Variants in ANOS1 observed in about 807,000 individuals in gnomAD.
ANOS1 encodes anosmin-1.
A neutral mutation model predicts 59.0 loss-of-function variants in ANOS1; 6 were observed. The observed-to-expected ratio is 0.10, with a 90% CI of 0.06 to 0.20. The LOEUF (loss-of-function observed/expected upper bound fraction) is 0.20, where lower values mean the gene tolerates loss of function less well. Among genes scored for constraint, ANOS1 ranks in the 10% least tolerant of loss-of-function variants. ANOS1 has a pLI of 1.00. For synonymous variants in ANOS1, 217 were observed against 223.4 expected (o/e 0.97, Z 0.25); for missense variants, 433 against 542.3 (o/e 0.80, Z 2.00).
At chrX:8,689,508 A>G (rs5934478) in intron 2 of ANOS1, among the ~76,000 whole-genome samples, 10,823 of 108,888 alleles carry the variant, frequency 0.099, 539 homozygotes, top group South Asian at 0.23. Context: ...ACCAGCCTGG[A>G]CAACATAGTG....
intron 2 of ANOS1, among the ~76,000 whole-genome samples, chrX:8,672,424 T>C (rs991817242): frequency 2.9e-4 from 33 of 112,371 alleles, no homozygotes; most frequent in African/African-American, 9.7e-4. Flanking sequence ...GCCTGTCCAG[T>C]TCCCCCTGAA....
At chrX:8,719,254 G>A (rs1007871081) in intron 1 of ANOS1, among the ~76,000 whole-genome samples, 6 of 112,562 alleles carry the variant, frequency 5.3e-5, no homozygotes, top group Non-Finnish European at 1.1e-4. Flanking sequence ...CATTTCAGAA[G>A]AGTGTCATTA....
At position 8,699,731 on chromosome X, in the gene ANOS1, C is replaced by T. The variant is rs142887673; in HGVS notation, c.222G>A (p.Leu74=). 1 of 1,196,073 alleles carries T rather than the reference C, an allele frequency of 8.4e-7. No individual in the cohort carries two copies. Among genetic ancestry groups the T allele is most frequent in the African/African-American group, 1.8e-5 (1 of 56,856 alleles). ...FFQHFQNNGS[L]VWCQNHKQCS... ...ATTGCTTGTGATTCTGGCACCAAAC[C>T]AGGGAACCATTGTTCTGCAAAAAGA... is the stretch of plus-strand genomic sequence containing the variant. The change falls in exon 2 of 14, where the codon CTG becomes CTA. Residue 74 remains leucine (L), a synonymous_variant. Coordinates refer to ENST00000262648, the MANE Select transcript of ANOS1 (RefSeq NM_000216.4).
chrX:8,724,344 G>C (rs1932895964), intron 1 of ANOS1, among the ~76,000 whole-genome samples: 1 of 111,773 alleles, frequency 8.9e-6, no homozygotes, highest in African/African-American at 3.3e-5. Context: ...GGTAATATTG[G>C]GGCGGAGAGA....
intron 8 of ANOS1, among the ~76,000 whole-genome samples, chrX:8,563,715 G>A (rs1230213482): frequency 4.5e-5 from 5 of 112,292 alleles, no homozygotes; most frequent in Admixed American, 2.8e-4. Context: ...CAGCTGAGTT[G>A]CAGTCAATTT....
At chrX:8,684,851 C>T (rs1246569109) in intron 2 of ANOS1, among the ~76,000 whole-genome samples, 2 of 110,807 alleles carry the variant, frequency 1.8e-5, no homozygotes, top group African/African-American at 6.6e-5. Flanking sequence ...ACCCACCTTC[C>T]TCAGCAAGCG....
chrX:8,622,213 C>T (rs764193353), intron 3 of ANOS1, among the ~76,000 whole-genome samples: 3 of 111,545 alleles, frequency 2.7e-5, no homozygotes, highest in African/African-American at 9.8e-5. Flanking sequence ...GGAGGGTTGA[C>T]CGTTGACAAG....
intron 10 of ANOS1, among the ~76,000 whole-genome samples, chrX:8,538,597 C>A (rs1275161118): frequency 2.7e-5 from 3 of 111,704 alleles, no homozygotes; most frequent in Non-Finnish European, 5.6e-5. Flanking sequence ...AAAAACCTCA[C>A]CCCTCTGCCC....
intron 2 of ANOS1, among the ~76,000 whole-genome samples, chrX:8,667,878 G>C (rs1932177214): frequency 9.0e-6 from 1 of 111,082 alleles, no homozygotes; most frequent in South Asian, 3.8e-4. Context: ...GAATTGTAGA[G>C]CCAGATGGAC....
chrX:8,674,423 A>G (rs1167226186), intron 2 of ANOS1, among the ~76,000 whole-genome samples: 1 of 112,215 alleles, frequency 8.9e-6, no homozygotes, highest in Non-Finnish European at 1.9e-5. Context: ...CACAAACAGA[A>G]TAAGAATCAC....
intron 6 of ANOS1, among the ~76,000 whole-genome samples, chrX:8,583,025 G>A (rs1243696161): frequency 1.8e-5 from 2 of 111,328 alleles, no homozygotes; most frequent in Non-Finnish European, 3.8e-5. Flanking sequence ...GAGAGAAAGA[G>A]TGCTTAAGGG....
At chrX:8,570,416 G>T in intron 7 of ANOS1, 83 bp downstream of exon 7, 1 of 790,127 alleles carries the variant, frequency 1.3e-6, no homozygotes, top group African/African-American at 2.0e-5. Context: ...TCTCAGTTTA[G>T]CAGAGGCCTC....
At chrX:8,603,527 G>A (rs1214189517) in intron 3 of ANOS1, among the ~76,000 whole-genome samples, 1 of 112,021 alleles carries the variant, frequency 8.9e-6, no homozygotes, top group African/African-American at 3.2e-5. Flanking sequence ...ACAAAAGTAG[G>A]CAACATTTCT....
At chrX:8,676,930 A>T (rs1932345551) in intron 2 of ANOS1, among the ~76,000 whole-genome samples, 1 of 111,787 alleles carries the variant, frequency 8.9e-6, no homozygotes, top group South Asian at 3.8e-4. Flanking sequence ...GTGGTGTCTC[A>T]TTCAAAGAAA....
At chrX:8,599,271 CT>C (rs1340036722) in intron 3 of ANOS1, among the ~76,000 whole-genome samples, 1 of 111,944 alleles carries the variant, frequency 8.9e-6, no homozygotes, top group Non-Finnish European at 1.9e-5. Context: ...AAGGAGGACA[CT>C]TTCTGTTTAT....
intron 13 of ANOS1, among the ~76,000 whole-genome samples, 195 bp from the exon 14 acceptor site, chrX:8,533,248 T>A (rs1346952914): frequency 8.9e-6 from 1 of 111,887 alleles, no homozygotes; most frequent in East Asian, 2.8e-4. Flanking sequence ...CTCTTTGATG[T>A]CTTCCCAAAC....
chrX:8,692,375 T>G (rs1196846415), intron 2 of ANOS1, among the ~76,000 whole-genome samples: 1 of 111,443 alleles, frequency 9.0e-6, no homozygotes, highest in East Asian at 2.8e-4. Context: ...GGTTACTATC[T>G]GGTGTTTTTT....
chrX:8,605,966 T>C (rs1477031631), intron 3 of ANOS1, among the ~76,000 whole-genome samples: 1 of 94,388 alleles, frequency 1.1e-5, no homozygotes, highest in Non-Finnish European at 2.1e-5. Flanking sequence ...TGTGAGTGTA[T>C]GTGCCTTGTG....
intron 2 of ANOS1, among the ~76,000 whole-genome samples, chrX:8,666,831 C>G (rs1204485385): frequency 9.0e-6 from 1 of 111,666 alleles, no homozygotes; most frequent in Admixed American, 9.6e-5. Flanking sequence ...TTCTTCATAA[C>G]TGGAAATTTT....
Sources: allele counts gnomAD v4.1 joint callset (sites outside exome capture counted in the v4.1 genomes callset), GRCh38; gene constraint gnomAD v4.1.1; transcripts MANE v1.5; gene names NCBI Gene and HGNC (gene_info 2026-07-23, HGNC 2026-07-21).